MAP7: variants seen among roughly 807,000 people sequenced by gnomAD.
MAP7 encodes the protein microtubule associated protein 7.
A neutral mutation model predicts 94.8 loss-of-function variants in MAP7; 52 were observed. That is an observed-to-expected ratio of 0.55 (90% confidence interval 0.44 to 0.69). The LOEUF is 0.69. Among genes scored for constraint, MAP7 ranks in the 30% least tolerant of loss-of-function variants. The probability of loss-of-function intolerance (pLI) is 0.00; values close to 1 mark genes in which losing one functional copy is unlikely to be tolerated. For missense variants in MAP7, 940 were observed against 964.6 expected (o/e 0.97, Z 0.34); for synonymous variants, 350 against 357.0 (o/e 0.98, Z 0.22).
chr6:136,543,305 C>A (rs1467252608), intron 1 of MAP7, among the ~76,000 whole-genome samples: 1 of 152,198 alleles, frequency 6.6e-6, no homozygotes, highest in African/African-American at 2.4e-5. Flanking sequence ...CAACAGTGTG[C>A]CTGAATCTCA....
At chr6:136,463,136 T>A (rs1314600875) in intron 1 of MAP7, among the ~76,000 whole-genome samples, 3 of 152,122 alleles carry the variant, frequency 2.0e-5, no homozygotes, top group Non-Finnish European at 4.4e-5. Flanking sequence ...AATTAATACA[T>A]CTTAAGAGTT....
intron 16 of MAP7, among the ~76,000 whole-genome samples, chr6:136,350,109 T>C (rs1562297784): frequency 6.6e-6 from 1 of 151,698 alleles, no homozygotes; most frequent in Non-Finnish European, 1.5e-5. Flanking sequence ...AGCAGTGGAG[T>C]TTTCTAGCAA....
At chr6:136,436,043 T>C (rs1340741485) in intron 1 of MAP7, among the ~76,000 whole-genome samples, 1 of 152,166 alleles carries the variant, frequency 6.6e-6, no homozygotes, top group African/African-American at 2.4e-5. Context: ...TTCTGGAACA[T>C]AACCCATTTA....
At chr6:136,510,160 C>T (rs1316985849) in intron 1 of MAP7, among the ~76,000 whole-genome samples, 1 of 152,154 alleles carries the variant, frequency 6.6e-6, no homozygotes, top group Non-Finnish European at 1.5e-5. Flanking sequence ...CAAGATCGTG[C>T]CACTGTACTT....
chr6:136,354,901 T>C (rs974046698), intron 16 of MAP7, among the ~76,000 whole-genome samples: 2 of 152,208 alleles, frequency 1.3e-5, no homozygotes, highest in Admixed American at 1.3e-4. Context: ...ATTAACTTTA[T>C]AGATCAGATA....
intron 1 of MAP7, among the ~76,000 whole-genome samples, chr6:136,518,150 TA>T (rs1825397117): frequency 6.6e-6 from 1 of 152,172 alleles, no homozygotes; most frequent in Non-Finnish European, 1.5e-5. Context: ...TGAATCTTCG[TA>T]TTTTAATATC....
At position 136,361,109 on chromosome 6, in the gene MAP7, T is replaced by C. The variant is rs1397927731; in HGVS notation, c.1597A>G (p.Arg533Gly). 6.2e-7 allele frequency: 1 copy of C among 1,605,736 alleles called. No individual in the cohort carries two copies. The change falls in exon 12 of 18, where the codon AGG becomes GGG. Residue 533 changes from arginine to glycine, a missense_variant. Transcript: ENST00000354570. The stretch of plus-strand genomic sequence containing the variant: ...TCCCGGGCCTGCTCGGCTTCCAGCC[T>C]GCGCGACTCCTCCTCACGGCGAGTC... The part of the protein sequence containing the change: ...RTTRREEESR[R>G]LEAEQAREKE...
rs969753178 is a variant in MAP7 at position 136,372,449 on chromosome 6, A to G, written c.876+52T>C. Reference sequence around the variant, plus strand: ...GCTCAGGGTCATGTACAGTCTGCACAGGAACAGCACTGGCTCCCAGACTTG... The same window carrying G: ...GCTCAGGGTCATGTACAGTCTGCACGGGAACAGCACTGGCTCCCAGACTTG... On this transcript the variant is annotated intron_variant, in intron 8 of 17. Coordinates refer to ENST00000354570, the MANE Select transcript of MAP7 (RefSeq NM_003980.6). The G allele has an allele frequency of 5.0e-6, 8 of 1,608,284 alleles. No homozygotes were observed. The African/African-American group carries it at 8.0e-5, about 16-fold the overall frequency.
At chr6:136,466,883 G>A (rs1418574175) in intron 1 of MAP7, 5 of 1,522,740 alleles carry the variant, frequency 3.3e-6, no homozygotes, top group African/African-American at 2.8e-5. Context: ...ATCAGTGAAG[G>A]GGCCGTTTAA....
intron 1 of MAP7, among the ~76,000 whole-genome samples, chr6:136,511,364 G>A (rs940575295): frequency 9.9e-5 from 15 of 152,116 alleles, no homozygotes; most frequent in Non-Finnish European, 1.8e-4. Context: ...CAAGCCCAGG[G>A]TAAAAATCCA....
At chr6:136,519,697 T>C (rs1013911914) in intron 1 of MAP7, among the ~76,000 whole-genome samples, 21 of 152,010 alleles carry the variant, frequency 1.4e-4, no homozygotes, top group African/African-American at 5.1e-4. Context: ...TTTAACAAAG[T>C]GGGGGCGGGG....
chr6:136,465,629 GAC>G (rs1474178116), intron 1 of MAP7, among the ~76,000 whole-genome samples: 9 of 152,172 alleles, frequency 5.9e-5, no homozygotes, highest in African/African-American at 1.9e-4. Context: ...TAATGATATT[GAC>G]ACACTTATAG....
chr6:136,492,146 C>T (rs1419322347), intron 1 of MAP7, among the ~76,000 whole-genome samples: 2 of 152,190 alleles, frequency 1.3e-5, no homozygotes, highest in South Asian at 2.1e-4. Context: ...TGTCATACCT[C>T]AGATCATCAG....
At chr6:136,534,893 A>G (rs1828756024) in intron 1 of MAP7, among the ~76,000 whole-genome samples, 1 of 152,172 alleles carries the variant, frequency 6.6e-6, no homozygotes, top group Admixed American at 6.5e-5. Context: ...TAATGAAGTA[A>G]CCCCACTTTC....
At chr6:136,448,552 C>T (rs1271914890) in intron 1 of MAP7, among the ~76,000 whole-genome samples, 1 of 151,834 alleles carries the variant, frequency 6.6e-6, no homozygotes, top group African/African-American at 2.4e-5. Context: ...GTAGCTGGGA[C>T]TACAGGCGCC....
intron 1 of MAP7, among the ~76,000 whole-genome samples, chr6:136,443,857 A>G (rs1798582159): frequency 6.6e-6 from 1 of 152,192 alleles, no homozygotes; most frequent in South Asian, 2.1e-4. Flanking sequence ...GAGAGAATGC[A>G]CTGCTCCTGT....
intron 1 of MAP7, among the ~76,000 whole-genome samples, chr6:136,488,708 G>A (rs1013957526): frequency 3.9e-5 from 6 of 152,052 alleles, no homozygotes; most frequent in Non-Finnish European, 7.4e-5. Context: ...ATCCCAAAAT[G>A]CTGGGATTAC....
In MAP7 at chr6:136,491,212, C is replaced by T. The variant is rs555623242; in HGVS notation, c.67+59130G>A. Among the ~76,000 whole-genome samples the T allele has an allele frequency of 2.6e-5, 4 of 152,162 alleles. No homozygotes were observed. The South Asian group carries it at 8.3e-4, about 32-fold the overall frequency. ...ACACCATAAGAGACTAACATTTGAA[C>T]AGGTTTTCTTCATTGTACTTTGTGT... On this transcript the variant is annotated intron_variant, in intron 1 of 17. Coordinates refer to ENST00000354570, the MANE Select transcript of MAP7 (RefSeq NM_003980.6).
intron 15 of MAP7, among the ~76,000 whole-genome samples, chr6:136,358,451 C>T (rs1443142049): frequency 2.0e-5 from 3 of 152,122 alleles, no homozygotes; most frequent in African/African-American, 7.2e-5. Flanking sequence ...TAATATACAA[C>T]CATTAAGACT....
Sources: gnomAD v4.1 joint callset for allele counts (sites outside exome capture counted in the v4.1 genomes callset) on GRCh38, gnomAD v4.1.1 for gene constraint, MANE v1.5 for transcripts, NCBI Gene and HGNC (gene_info 2026-07-23, HGNC 2026-07-21) for gene names.